TTLL11: variants seen among roughly 807,000 people sequenced by gnomAD.
TTLL11 encodes tubulin polyglutamylase TTLL11.
A neutral mutation model predicts 51.7 loss-of-function variants in TTLL11; 42 were observed. That is an observed-to-expected ratio of 0.81 (90% CI 0.64 to 1.05). TTLL11 has a LOEUF of 1.05. TTLL11 is among the 50% of genes least tolerant of loss of function. The probability of loss-of-function intolerance (pLI) is 0.00; values close to 1 mark genes in which losing one functional copy is unlikely to be tolerated. For synonymous variants in TTLL11, 381 were observed against 383.5 expected, an observed-to-expected ratio of 0.99 and a Z score of 0.08; for missense variants, 799 against 940.4, an observed-to-expected ratio of 0.85 and a Z score of 1.97.
chr9:122,003,725 T>A (rs1843554998), intron 3 of TTLL11, among the ~76,000 whole-genome samples: 1 of 150,924 alleles, frequency 6.6e-6, no homozygotes, highest in African/African-American at 2.4e-5. Context: ...GACCTCGTGA[T>A]CCACCCGCCT....
intron 6 of TTLL11, among the ~76,000 whole-genome samples, chr9:121,880,390 C>A (rs984878575): frequency 7.2e-5 from 11 of 152,196 alleles, no homozygotes; most frequent in African/African-American, 2.7e-4. Flanking sequence ...AAACAGCCAT[C>A]TTTCAAATTT....
intron 6 of TTLL11, among the ~76,000 whole-genome samples, chr9:121,894,428 T>C (rs965409879): frequency 6.6e-6 from 1 of 152,206 alleles, no homozygotes. Context: ...CATTCTACTA[T>C]AAAGACACAT....
chr9:122,076,446 G>A (rs1254823452), intron 1 of TTLL11, among the ~76,000 whole-genome samples: 1 of 152,142 alleles, frequency 6.6e-6, no homozygotes, highest in African/African-American at 2.4e-5. Flanking sequence ...CAAACCTTCT[G>A]TGTTTTGGCC....
At chr9:121,931,612 AAAAG>A (rs755930455) in intron 6 of TTLL11, among the ~76,000 whole-genome samples, 9 of 150,976 alleles carry the variant, frequency 6.0e-5, no homozygotes, top group Non-Finnish European at 1.3e-4. Context: ...AAAAGAAAAG[AAAAG>A]AAAGAAATAT....
At chr9:121,923,340 G>A (rs913612952) in intron 6 of TTLL11, among the ~76,000 whole-genome samples, 1 of 152,156 alleles carries the variant, frequency 6.6e-6, no homozygotes, top group Non-Finnish European at 1.5e-5. Flanking sequence ...TAGCTTGTAC[G>A]TTACAAGAAA....
intron 6 of TTLL11, among the ~76,000 whole-genome samples, chr9:121,931,201 C>T (rs16911121): frequency 0.083 from 12,697 of 152,258 alleles, 832 homozygotes; most frequent in African/African-American, 0.18. Flanking sequence ...TGTCAAACAC[C>T]GAAGCGCTGG....
intron 8 of TTLL11, among the ~76,000 whole-genome samples, chr9:121,841,607 G>C (rs533462691): frequency 6.6e-6 from 1 of 152,282 alleles, no homozygotes; most frequent in East Asian, 1.9e-4. Context: ...GGCCTCCCGG[G>C]CTGAGGACAC....
At chr9:122,079,284 T>G (rs903896177) in intron 1 of TTLL11, among the ~76,000 whole-genome samples, 1 of 152,202 alleles carries the variant, frequency 6.6e-6, no homozygotes, top group Admixed American at 6.5e-5. Flanking sequence ...TATGAAGTGG[T>G]ATTTCACTGT....
chr9:121,998,217 C>T (rs1190875870), intron 3 of TTLL11, among the ~76,000 whole-genome samples: 1 of 152,122 alleles, frequency 6.6e-6, no homozygotes, highest in Non-Finnish European at 1.5e-5. Context: ...CACCACAGTC[C>T]TATGTCCCTT....
intron 6 of TTLL11, among the ~76,000 whole-genome samples, chr9:121,912,857 G>A (rs894189533): frequency 5.9e-5 from 9 of 151,740 alleles, no homozygotes; most frequent in Non-Finnish European, 1.0e-4. Context: ...CTCATTTTAC[G>A]TATGAGGAAC....
At chr9:122,004,928 A>G (rs1843596802) in intron 3 of TTLL11, among the ~76,000 whole-genome samples, 1 of 152,222 alleles carries the variant, frequency 6.6e-6, no homozygotes, top group Non-Finnish European at 1.5e-5. Context: ...GCCAAGTACA[A>G]TGCCAGAGAC....
In TTLL11 at chr9:121,914,690, C is replaced by T. The variant is rs147776708; in HGVS notation, c.1482-43942G>A. On this transcript the variant is annotated intron_variant, in intron 6 of 8. Coordinates refer to ENST00000321582, the MANE Select transcript of TTLL11 (RefSeq NM_001139442.2). ...CCTATGTCATGCGGCCCCCTCCATC[C>T]TCATTGGACCACTCCTGCCTGCGCT... Among the ~76,000 whole-genome samples, 582 of 152,342 alleles carry T rather than the reference C, an allele frequency of 3.8e-3. 5 individuals carry two copies. The highest frequency in any genetic ancestry group is 0.013 in the African/African-American group (552 of 41,564).
chr9:121,873,659 CTT>C, intron 6 of TTLL11, among the ~76,000 whole-genome samples: 1 of 150,908 alleles, frequency 6.6e-6, no homozygotes, highest in Admixed American at 6.6e-5. Context: ...TCTTCTTCTT[CTT>C]CTTCTTCTTT....
chr9:121,916,332 G>A (rs2900196), intron 6 of TTLL11, among the ~76,000 whole-genome samples: 31,100 of 152,020 alleles, frequency 0.2, 3,734 homozygotes, highest in African/African-American at 0.31. Flanking sequence ...ACAGGTTTCA[G>A]TATCACTAAG....
At chr9:121,922,786 T>TGTGTGTGC (rs1840590161) in intron 6 of TTLL11, among the ~76,000 whole-genome samples, 1 of 151,708 alleles carries the variant, frequency 6.6e-6, no homozygotes, top group South Asian at 2.1e-4. Flanking sequence ...TGTGTGTGTG[T>TGTGTGTGC]GCATGCACAT....
At position 121,896,014 on chromosome 9, in the gene TTLL11, TTGTG is replaced by T. The variant is rs537974073; in HGVS notation, c.1482-25270_1482-25267del. Among the ~76,000 whole-genome samples the T allele has an allele frequency of 2.0e-3, 196 of 100,038 alleles. 4 individuals carry two copies. In the East Asian group the frequency reaches 0.049, roughly 25 times the overall value. 65.6% of individuals were successfully genotyped at this position (100,038 alleles called of 152,430 possible). ...GTTTTGTGTGAGTGTGTATGTGTGG[TTGTG>T]TGTGTGTATGAATGTGTGGTTGTGT... On this transcript the variant is annotated intron_variant, in intron 6 of 8. Coordinates refer to ENST00000321582, the MANE Select transcript of TTLL11 (RefSeq NM_001139442.2).
At chr9:121,943,813 C>T (rs553330853) in intron 6 of TTLL11, among the ~76,000 whole-genome samples, 26 of 152,302 alleles carry the variant, frequency 1.7e-4, no homozygotes, top group South Asian at 1.5e-3. Context: ...ATCCAGGCTT[C>T]GTGGGAATAG....
rs1445378656 is a variant in TTLL11 at position 121,995,020 on chromosome 9, G to C, written c.694-5250C>G. ...ATATAAGGGAATGAGGAAAGGCAGA[G>C]GGGAGGCAGTGGGAAGATGATGAGC... On this transcript the variant is annotated intron_variant, in intron 3 of 8. Coordinates refer to ENST00000321582, the MANE Select transcript of TTLL11 (RefSeq NM_001139442.2). This position sits in a 1 kb window ranked among gnomAD's most constrained non-coding sequence, Gnocchi z 4.4. 6.6e-6 allele frequency among the ~76,000 whole-genome samples: 1 copy of C among 152,216 alleles called. No homozygotes were observed. Among genetic ancestry groups the C allele is most frequent in the East Asian group, 1.9e-4 (1 of 5,192 alleles).
At chr9:121,827,251 T>C (rs1031853857) in intron 8 of TTLL11, among the ~76,000 whole-genome samples, 16 of 152,108 alleles carry the variant, frequency 1.1e-4, no homozygotes, top group Admixed American at 2.6e-4. Context: ...CCTCTCTGTT[T>C]AGGTCAGGTG....
Sources: allele counts gnomAD v4.1 joint callset (sites outside exome capture counted in the v4.1 genomes callset), GRCh38; gene constraint gnomAD v4.1.1; non-coding constraint Gnocchi (gnomAD v3.1); transcripts MANE v1.5; gene names NCBI Gene and HGNC (gene_info 2026-07-23, HGNC 2026-07-21).